INTS9: variants seen among roughly 807,000 people sequenced by gnomAD.
INTS9 encodes the protein protein related to CPSF subunits of 74 kDa.
INTS9 carries 55 observed loss-of-function variants against 79.7 expected under a neutral mutation model. The observed-to-expected ratio is 0.69, with a 90% CI of 0.56 to 0.86. The LOEUF is 0.86. Among genes scored for constraint, INTS9 ranks in the 40% least tolerant of loss-of-function variants. INTS9 has a pLI of 0.00. For missense variants in INTS9, 721 were observed against 831.5 expected (o/e 0.87, Z 1.64); for synonymous variants, 319 against 325.2 (o/e 0.98, Z 0.20).
intron 8 of INTS9, among the ~76,000 whole-genome samples, chr8:28,806,525 A>G (rs1804824421): frequency 6.6e-6 from 1 of 152,230 alleles, no homozygotes; most frequent in South Asian, 2.1e-4. Flanking sequence ...AATAATGCAA[A>G]AAACTCAAAT....
intron 6 of INTS9, among the ~76,000 whole-genome samples, chr8:28,818,939 T>C (rs1805663569): frequency 6.6e-6 from 1 of 152,350 alleles, no homozygotes; most frequent in East Asian, 1.9e-4. Flanking sequence ...TTTATTTGCG[T>C]AGAGGTTTTT....
In INTS9 at chr8:28,793,907, A is replaced by G; in HGVS notation, c.937T>C (p.Tyr313His). 4 of 1,614,132 alleles carry G rather than the reference A, an allele frequency of 2.5e-6. No individual in the cohort carries two copies. The highest frequency in any genetic ancestry group is 3.4e-6 in the Non-Finnish European group (4 of 1,179,984). Reference protein sequence around the residue: ...GVIYDLLECLYQYIDSAGLSS... With the variant: ...GVIYDLLECLHQYIDSAGLSS... ...AGCCCGGCTGAGTCGATGTACTGATATAGGCACTCCAGGAGGTCATAGATC... is the reference window on the plus strand; with the variant it reads ...AGCCCGGCTGAGTCGATGTACTGATGTAGGCACTCCAGGAGGTCATAGATC... Residue 313 changes from tyrosine (Y) to histidine (H), a missense_variant, in exon 10 of 17, where the codon TAT becomes CAT. Physicochemically the swap from Tyr to His is moderately conservative, Grantham distance 83. Around this residue, in one of 3 missense-constraint regions of INTS9, gnomAD observed 149 missense variants for 223.7 expected, o/e 0.67. Transcript: ENST00000521022.
chr8:28,822,238 A>G (rs748704572), intron 6 of INTS9, among the ~76,000 whole-genome samples: 1 of 152,170 alleles, frequency 6.6e-6, no homozygotes, highest in Non-Finnish European at 1.5e-5. Context: ...TTAAATGACA[A>G]TCTAAGAGGT....
chr8:28,794,558 C>T (rs1316054733), intron 9 of INTS9, among the ~76,000 whole-genome samples: 4 of 152,174 alleles, frequency 2.6e-5, no homozygotes, highest in East Asian at 1.9e-4. Context: ...AAATCAACAT[C>T]GCTGGTCATA....
intron 6 of INTS9, among the ~76,000 whole-genome samples, chr8:28,829,989 T>C (rs904653006): frequency 6.6e-6 from 1 of 151,070 alleles, no homozygotes; most frequent in East Asian, 1.9e-4. Flanking sequence ...CCCAGCCCTG[T>C]AGGCATTGTA....
intron 6 of INTS9, among the ~76,000 whole-genome samples, chr8:28,822,363 T>C (rs538302839): frequency 2.6e-5 from 4 of 152,326 alleles, no homozygotes; most frequent in South Asian, 2.1e-4. Context: ...TGGCAAACCT[T>C]TTCCATAAGT....
chr8:28,852,167 T>C (rs1430503002), intron 2 of INTS9, among the ~76,000 whole-genome samples: 1 of 152,100 alleles, frequency 6.6e-6, no homozygotes, highest in Admixed American at 6.6e-5. Context: ...TGCAGGGAGC[T>C]GTGATTGTGC....
At chr8:28,845,772 G>A (rs1807474921) in intron 4 of INTS9, among the ~76,000 whole-genome samples, 2 of 152,148 alleles carry the variant, frequency 1.3e-5, no homozygotes, top group African/African-American at 2.4e-5. Flanking sequence ...TCAGCTTTAC[G>A]CTTACTACTC....
At chr8:28,793,537 T>C (rs529519502) in intron 10 of INTS9, among the ~76,000 whole-genome samples, 8 of 152,210 alleles carry the variant, frequency 5.3e-5, no homozygotes, top group Non-Finnish European at 1.2e-4. Flanking sequence ...TGACATGTGA[T>C]AAGTATATAA....
At chr8:28,836,368 G>A (rs540688245) in intron 5 of INTS9, among the ~76,000 whole-genome samples, 21 of 152,274 alleles carry the variant, frequency 1.4e-4, no homozygotes, top group African/African-American at 5.1e-4. Context: ...TTGATGGCCA[G>A]AGGATGACCA....
In INTS9 at chr8:28,837,128, T is replaced by G. The variant is rs142853663; in HGVS notation, c.401+509A>C. On this transcript the variant is annotated intron_variant, in intron 5 of 16. Transcript: ENST00000521022. ...AGTCAAAGGAAAACTGCAGTTTTAC[T>G]CCTAGACTGCTCAGTTTCACTCTGT... Among the ~76,000 whole-genome samples, 74 of 152,332 alleles carry G rather than the reference T, an allele frequency of 4.9e-4. No individual in the cohort carries two copies. The East Asian group carries it at 0.011, about 23-fold the overall frequency.
rs532180624 is a variant in INTS9, at chr8:28,823,678, T to C, written c.489-10066A>G. ...AGAAATTTAATTACTTACAAACATA[T>C]TGAGGAGAGACAAGTAGGGAAAGAG... On this transcript the variant is annotated intron_variant, in intron 6 of 16. Coordinates refer to ENST00000521022, the MANE Select transcript of INTS9 (RefSeq NM_018250.4). Among the ~76,000 whole-genome samples, 20 of 152,220 alleles carry C rather than the reference T, an allele frequency of 1.3e-4. No individual in the cohort carries two copies. The South Asian group carries it at 2.9e-3, about 22-fold the overall frequency.
chr8:28,875,880 TC>T (rs1809354644), intron 1 of INTS9, among the ~76,000 whole-genome samples: 1 of 152,270 alleles, frequency 6.6e-6, no homozygotes, highest in Non-Finnish European at 1.5e-5. Flanking sequence ...TAACATTTGT[TC>T]AATTGTATAG....
intron 6 of INTS9, among the ~76,000 whole-genome samples, chr8:28,821,760 T>G (rs967478387): frequency 7.7e-5 from 11 of 143,156 alleles, no homozygotes; most frequent in African/African-American, 2.3e-4. Context: ...TATCTGTGGG[T>G]TTTTTTTTTT....
intron 1 of INTS9, among the ~76,000 whole-genome samples, chr8:28,883,877 C>T (rs373311719): frequency 2.6e-4 from 40 of 152,086 alleles, no homozygotes; most frequent in Non-Finnish European, 5.4e-4. Flanking sequence ...GTTCAGCAAA[C>T]CAGGAGTGTA....
At chr8:28,787,760 G>T in intron 11 of INTS9, 69 bp downstream of exon 11, 1 of 1,103,764 alleles carries the variant, frequency 9.1e-7, no homozygotes, top group Non-Finnish European at 1.4e-6. Context: ...CTAACGACCT[G>T]CTGTCTGCAT....
rs150751334 is a variant in INTS9, at chr8:28,770,000, C to A, written c.1689G>T (p.Thr563=). ...LQPPPRPAQP[T]SGKKRKRVSD... ...TCACCCGCTTTCTCTTCTTCCCGCT[C>A]GTGGGCTGGGCGGGCCGAGGAGGGG... Residue 563 remains threonine, a synonymous_variant, in exon 16 of 17, where the codon ACG becomes ACT. Transcript: ENST00000521022. The A allele has an allele frequency of 6.2e-7, 1 of 1,614,084 alleles. No individual in the cohort carries two copies. The highest frequency in any genetic ancestry group is 8.5e-7 in the Non-Finnish European group (1 of 1,180,030).
chr8:28,785,182 C>T (rs1350372231), intron 11 of INTS9, among the ~76,000 whole-genome samples: 1 of 152,196 alleles, frequency 6.6e-6, no homozygotes, highest in South Asian at 2.1e-4. Context: ...GTGATGTTAA[C>T]GTTGACTGCA....
chr8:28,817,990 T>A (rs1211561976), intron 6 of INTS9, among the ~76,000 whole-genome samples: 1 of 147,504 alleles, frequency 6.8e-6, no homozygotes, highest in Non-Finnish European at 1.5e-5. Flanking sequence ...GTGATTTTTG[T>A]ACATTGATTT....
Sources: gnomAD v4.1 joint callset for allele counts (sites outside exome capture counted in the v4.1 genomes callset) on GRCh38, gnomAD v4.1.1 for gene constraint, gnomAD v4.1.1 regional missense constraint, MANE v1.5 for transcripts, NCBI Gene and HGNC (gene_info 2026-07-23, HGNC 2026-07-21) for gene names.